The following KNDC1 variants were observed in gnomAD, a reference collection of about 807,000 sequenced individuals.
KNDC1 encodes kinase non-catalytic C-lobe domain containing 1, also known as kinase non-catalytic C-lobe domain-containing protein 1.
In KNDC1, 106 loss-of-function variants were observed where a neutral mutation model predicts 172.8. The ratio of observed to expected loss-of-function variants is 0.61; its 90% CI spans 0.52 to 0.72. KNDC1 has a LOEUF of 0.72. Ranked by LOEUF, KNDC1 falls within the 30% of genes least tolerant of loss-of-function variation. The pLI, the probability that KNDC1 is intolerant of heterozygous loss-of-function variation, is 0.00. For synonymous variants in KNDC1, 1,083 were observed against 1,062.2 expected, an observed-to-expected ratio of 1.02 and a Z score of -0.38; for missense variants, 2,325 against 2,394.5, an observed-to-expected ratio of 0.97 and a Z score of 0.61.
intron 6 of KNDC1, among the ~76,000 whole-genome samples, chr10:133,187,731 G>A (rs559413463): frequency 1.7e-4 from 26 of 152,326 alleles, no homozygotes; most frequent in African/African-American, 5.3e-4. Context: ...CAGGCTGAAC[G>A]CATGCCTGGT....
At chr10:133,222,446 CGT>C (rs72179908) in intron 29 of KNDC1, among the ~76,000 whole-genome samples, 14,408 of 41,756 alleles carry the variant, frequency 0.35, 2,427 homozygotes, top group Non-Finnish European at 0.41. Flanking sequence ...CTCTTCCCGG[CGT>C]GTGTGTGTGT....
Position 133,220,118 on chromosome 10 carries a change from G to A in KNDC1, c.5018+6G>A. On this transcript the variant is annotated splice_donor_region_variant and intron_variant, in intron 29 of 29. Transcript: ENST00000304613. ...CACAGGTGGAGCAAGCTCAGGTGAGGAGGGGCTCAGGCGGCCGCGCGCCCA... is the reference window on the plus strand; with the variant it reads ...CACAGGTGGAGCAAGCTCAGGTGAGAAGGGGCTCAGGCGGCCGCGCGCCCA... 6.6e-7 allele frequency: 1 copy of A among 1,522,324 alleles called. No homozygotes were observed. Among genetic ancestry groups the A allele is most frequent in the Non-Finnish European group, 8.9e-7 (1 of 1,124,468 alleles). The allele number at this position is 1,522,324 out of a possible 1,614,324, so 94.3% of individuals were successfully genotyped here.
Position 133,203,992 on chromosome 10 carries a change from G to A in KNDC1, c.3387+2094G>A, listed in dbSNP as rs192313744. 3.4e-4 allele frequency among the ~76,000 whole-genome samples: 52 copies of A among 152,350 alleles called. No homozygotes were observed. In the East Asian group the frequency reaches 8.1e-3, roughly 24 times the overall value. Reference sequence around the variant, plus strand: ...CACCCGCCTCCAGGTTCCTGGATGCGTCAGGGTACACAGACCTTTCCCAGG... The same window carrying A: ...CACCCGCCTCCAGGTTCCTGGATGCATCAGGGTACACAGACCTTTCCCAGG... On this transcript the variant is annotated intron_variant, in intron 17 of 29. Coordinates refer to ENST00000304613, the MANE Select transcript of KNDC1 (RefSeq NM_152643.8).
At chr10:133,219,119 T>C in intron 28 of KNDC1, 29 bp downstream of exon 28, 2 of 1,606,954 alleles carry the variant, frequency 1.2e-6, no homozygotes, top group Non-Finnish European at 1.7e-6. Context: ...GCCGGGCGGC[T>C]TTGGTCCCCC....
chr10:133,168,549 G>A (rs1018688887), intron 3 of KNDC1, among the ~76,000 whole-genome samples: 20 of 151,938 alleles, frequency 1.3e-4, no homozygotes, highest in African/African-American at 4.6e-4. Context: ...TGGGCAGCTC[G>A]GACTGTGGGT....
At chr10:133,170,769 A>G (rs772136783) in intron 3 of KNDC1, among the ~76,000 whole-genome samples, 2 of 152,228 alleles carry the variant, frequency 1.3e-5, no homozygotes, top group Non-Finnish European at 2.9e-5. Context: ...GGGTTGTGGA[A>G]AACGCCTGGA....
intron 9 of KNDC1, 52 bp downstream of exon 9, chr10:133,189,865 T>C (rs759975975): frequency 1.9e-4 from 273 of 1,422,440 alleles, no homozygotes; most frequent in Non-Finnish European, 2.5e-4. Flanking sequence ...CCCTCGGGGA[T>C]GCCACGTCCC....
intron 15 of KNDC1, 52 bp downstream of exon 15, chr10:133,199,654 G>A: frequency 1.3e-6 from 2 of 1,588,038 alleles, no homozygotes; most frequent in South Asian, 2.2e-5. Flanking sequence ...TGCCCACTGT[G>A]CCTGGGCTCT....
Position 133,224,246 on chromosome 10 carries a change from C to T in KNDC1, c.5019-413C>T, listed in dbSNP as rs972037558. On this transcript the variant is annotated intron_variant, in intron 29 of 29. Coordinates refer to ENST00000304613, the MANE Select transcript of KNDC1 (RefSeq NM_152643.8). The surrounding 1 kb of genome is among the most constrained non-coding windows in gnomAD (Gnocchi z 5.4). ...TGGTGTGCTGGTCACTGTCAACCAG[C>T]TGTCCCAGGCTTCCGGCCCTGGGCC... 2.6e-5 allele frequency among the ~76,000 whole-genome samples: 4 copies of T among 152,220 alleles called. No individual in the cohort carries two copies. The highest frequency in any genetic ancestry group is 6.5e-5 in the Admixed American group (1 of 15,290).
chr10:133,170,444 A>G (rs920827480), intron 3 of KNDC1, among the ~76,000 whole-genome samples: 25 of 152,240 alleles, frequency 1.6e-4, no homozygotes, highest in African/African-American at 6.0e-4. Flanking sequence ...GGTCTCACAC[A>G]CAGGACAGCA....
At chr10:133,170,139 C>T (rs1853328334) in intron 3 of KNDC1, among the ~76,000 whole-genome samples, 2 of 152,228 alleles carry the variant, frequency 1.3e-5, no homozygotes, top group Non-Finnish European at 2.9e-5. Context: ...TTTAAATCCC[C>T]GCTTGTGAGG....
In KNDC1 at chr10:133,209,370, TGA is replaced by T. The variant is rs894151483; in HGVS notation, c.3795-1239_3795-1238del. The stretch of plus-strand genomic sequence containing the variant: ...GGGTATAGTGTGTGCACATGTGGTG[TGA>T]GGTATAGTGTGGCATGTGTGCACAT... On this transcript the variant is annotated intron_variant, in intron 20 of 29. Coordinates refer to ENST00000304613, the MANE Select transcript of KNDC1 (RefSeq NM_152643.8). The surrounding 1 kb of genome is among the most constrained non-coding windows in gnomAD (Gnocchi z 4.9). Among the ~76,000 whole-genome samples the T allele has an allele frequency of 6.6e-6, 1 of 150,890 alleles. No homozygotes were observed. Among genetic ancestry groups the T allele is most frequent in the African/African-American group, 2.5e-5 (1 of 40,804 alleles).
chr10:133,177,656 A>G (rs1853584385), intron 3 of KNDC1, among the ~76,000 whole-genome samples: 1 of 151,706 alleles, frequency 6.6e-6, no homozygotes, highest in Non-Finnish European at 1.5e-5. Flanking sequence ...CATGATGTGT[A>G]CATGCATGTG....
In KNDC1 at chr10:133,186,306, C is replaced by T. The variant is rs1853914236; in HGVS notation, c.958C>T (p.Leu320Phe). Residue 320 changes from leucine (L) to phenylalanine (F), a missense_variant, in exon 6 of 30, where the codon CTC becomes TTC. Transcript: ENST00000304613. ...GCTGTCCGACAGCCCCGAGGCCACC[C>T]TCTGCCTGCCGCTGACCCGCGGGAA... is the stretch of plus-strand genomic sequence containing the variant. The part of the protein sequence containing the change: ...RLLSDSPEAT[L>F]CLPLTRGKSQ... 1.2e-6 allele frequency: 2 copies of T among 1,612,108 alleles called. No individual in the cohort carries two copies. The highest frequency in any genetic ancestry group is 1.1e-5 in the South Asian group (1 of 90,980).
rs1420288113 is a variant in KNDC1 at position 133,222,540 on chromosome 10, TGTGTGTGTGAGA to T, written c.5019-2117_5019-2106del. ...ATCCAGGCATGCTCTTCCCGGCGTG[TGTGTGTGTGAGA>T]GCCCATCCAGGCATGCTCTTCCCAG... is the stretch of plus-strand genomic sequence containing the variant. On this transcript the variant is annotated intron_variant, in intron 29 of 29. Transcript: ENST00000304613. 4.2e-3 allele frequency among the ~76,000 whole-genome samples: 195 copies of T among 46,346 alleles called. 47 individuals are homozygous for T. Among genetic ancestry groups the T allele is most frequent in the Non-Finnish European group, 8.2e-3 (148 of 18,102 alleles). The allele number at this position is 46,346 out of a possible 152,430, so 30.4% of individuals were successfully genotyped here. A position where few individuals can be genotyped will look rare whatever the true frequency, so the allele number is the denominator to read the frequency against.
Position 133,218,938 on chromosome 10 carries a change from C to T in KNDC1, c.4785C>T (p.Ala1595=), listed in dbSNP as rs757729917. The T allele has an allele frequency of 5.6e-6, 9 of 1,613,652 alleles. No individual in the cohort carries two copies. The East Asian group carries it at 8.9e-5, about 16-fold the overall frequency. Residue 1595 remains alanine (A), a synonymous_variant, in exon 27 of 30, where the codon GCC becomes GCT. Transcript: ENST00000304613. The stretch of plus-strand genomic sequence containing the variant: ...TCCTGAGCGGGCTGGAGCACCTGGC[C>T]GTGAGGCAGTCCCCTGTGCGTCCCC... ...MQILSGLEHL[A]VRQSPAWRIL...
Position 133,160,539 on chromosome 10 carries a change from C to G in KNDC1, c.72C>G (p.Phe24Leu). The G allele has an allele frequency of 1.9e-6, 3 of 1,584,460 alleles. No individual in the cohort carries two copies. The highest frequency in any genetic ancestry group is 2.6e-6 in the Non-Finnish European group (3 of 1,167,432). The change falls in exon 1 of 30, where the codon TTC (phenylalanine) becomes TTG (leucine). Residue 24 changes from phenylalanine (F) to leucine (L), a missense_variant. Coordinates refer to ENST00000304613, the MANE Select transcript of KNDC1 (RefSeq NM_152643.8). ...GCAAAGACCTGGACTTCTACGACTT[C>G]GAGCCGCTGCCCACCCTCCCCGAGG... ...EDGKDLDFYD[F>L]EPLPTLPEDE...
chr10:133,184,835 C>T (rs1042008884), intron 5 of KNDC1, among the ~76,000 whole-genome samples: 2 of 152,260 alleles, frequency 1.3e-5, no homozygotes, highest in Admixed American at 1.3e-4. Flanking sequence ...GTGTTAGTCT[C>T]ATGGGCATTT....
At chr10:133,185,261 G>A (rs1473329137) in intron 5 of KNDC1, among the ~76,000 whole-genome samples, 4 of 122,766 alleles carry the variant, frequency 3.3e-5, no homozygotes, top group South Asian at 3.3e-4. Flanking sequence ...GCAGTGTAGA[G>A]TAGGCAGTGT....
Sources: allele counts gnomAD v4.1 joint callset (sites outside exome capture counted in the v4.1 genomes callset), GRCh38; gene constraint gnomAD v4.1.1; non-coding constraint Gnocchi (gnomAD v3.1); transcripts MANE v1.5; gene names NCBI Gene and HGNC (gene_info 2026-07-23, HGNC 2026-07-21).